ARHGEF38: variants seen among roughly 807,000 people sequenced by gnomAD.
The protein encoded by ARHGEF38 is Rho guanine nucleotide exchange factor (GEF) 38.
ARHGEF38 carries 79 observed loss-of-function variants against 79.9 expected under a neutral mutation model. The ratio of observed to expected loss-of-function variants is 0.99; its 90% CI spans 0.82 to 1.19. The LOEUF is 1.19. ARHGEF38 is among the 50% of genes most tolerant of loss of function. The pLI is 0.00. For missense variants in ARHGEF38, 962 were observed against 907.2 expected, an observed-to-expected ratio of 1.06 and a Z score of -0.78; for synonymous variants, 366 against 328.3, an observed-to-expected ratio of 1.11 and a Z score of -1.24.
At chr4:105,654,531 G>C (rs1032021377) in intron 8 of ARHGEF38, among the ~76,000 whole-genome samples, 1 of 152,052 alleles carries the variant, frequency 6.6e-6, no homozygotes, top group Non-Finnish European at 1.5e-5. Context: ...TCTCTTTCTA[G>C]TACCTAAAAT....
rs534436395 is a variant in ARHGEF38 at position 105,668,189 on chromosome 4, CT to C, written c.2148+496del. ...ATATATGGAAACTTTTTCTTTTTTT[CT>C]TTTTTTTTTGAGATGGAGTCTCACT... On this transcript the variant is annotated intron_variant, in intron 13 of 13. Coordinates refer to ENST00000420470, the MANE Select transcript of ARHGEF38 (RefSeq NM_001242729.2). 2.0e-3 allele frequency among the ~76,000 whole-genome samples: 297 copies of C among 147,872 alleles called. 2 individuals are homozygous for C. The highest frequency in any genetic ancestry group is 6.9e-3 in the African/African-American group (279 of 40,392).
intron 1 of ARHGEF38, among the ~76,000 whole-genome samples, chr4:105,561,434 A>AGAATG (rs1725552731): frequency 2.1e-5 from 1 of 47,028 alleles, no homozygotes; most frequent in African/African-American, 1.0e-4. Context: ...GGAATAGAAT[A>AGAATG]GAATAGAATA....
At chr4:105,603,006 G>A (rs990116526) in intron 2 of ARHGEF38, among the ~76,000 whole-genome samples, 10 of 152,158 alleles carry the variant, frequency 6.6e-5, no homozygotes, top group African/African-American at 1.2e-4. Flanking sequence ...CAAAGATCCC[G>A]CCCTGTCTCC....
intron 2 of ARHGEF38, among the ~76,000 whole-genome samples, chr4:105,593,370 C>T (rs1727427548): frequency 6.6e-6 from 1 of 151,294 alleles, no homozygotes; most frequent in Non-Finnish European, 1.5e-5. Context: ...AGGGAGACCT[C>T]ATCCCTATTT....
At chr4:105,664,288 G>T (rs890397210) in intron 10 of ARHGEF38, among the ~76,000 whole-genome samples, 1 of 152,158 alleles carries the variant, frequency 6.6e-6, no homozygotes, top group South Asian at 2.1e-4. Flanking sequence ...GTTTGATGAC[G>T]AAAAACATTT....
chr4:105,610,293 A>G (rs1728236311), intron 2 of ARHGEF38, among the ~76,000 whole-genome samples: 1 of 152,066 alleles, frequency 6.6e-6, no homozygotes, highest in African/African-American at 2.4e-5. Flanking sequence ...TATGTGACAA[A>G]CCTGCATGTT....
At chr4:105,555,832 T>A (rs1238244114) in intron 1 of ARHGEF38, among the ~76,000 whole-genome samples, 3 of 152,218 alleles carry the variant, frequency 2.0e-5, no homozygotes, top group African/African-American at 7.2e-5. Context: ...CTTGAGCTTG[T>A]CTTTTAACTC....
intron 7 of ARHGEF38, among the ~76,000 whole-genome samples, chr4:105,652,966 C>T (rs969172668): frequency 1.3e-5 from 2 of 152,172 alleles, no homozygotes; most frequent in Non-Finnish European, 2.9e-5. Flanking sequence ...CCAAGCACTG[C>T]TATGGTTATC....
At chr4:105,631,577 G>A (rs545348957) in intron 4 of ARHGEF38, 1 of 985,370 alleles carries the variant, frequency 1.0e-6, no homozygotes, top group East Asian at 1.1e-4. Context: ...TGGTGGGGGA[G>A]CTACACAATG....
At chr4:105,667,089 T>C (rs1273550468) in intron 11 of ARHGEF38, 40 bp from the exon 12 acceptor site, 2 of 1,451,234 alleles carry the variant, frequency 1.4e-6, no homozygotes, top group East Asian at 2.5e-5. Flanking sequence ...GATTTTATTA[T>C]GTATCTGTCT....
Position 105,661,686 on chromosome 4 carries a change from T to C in ARHGEF38, c.1545+2321T>C, listed in dbSNP as rs141047270. ...CAATCAATATTTGCATATACACATCTGTGTAACTACCACCCAGATCAAGAT... is the reference window on the plus strand; with the variant it reads ...CAATCAATATTTGCATATACACATCCGTGTAACTACCACCCAGATCAAGAT... On this transcript the variant is annotated intron_variant, in intron 10 of 13. Transcript: ENST00000420470. Among the ~76,000 whole-genome samples the C allele has an allele frequency of 2.2e-3, 330 of 152,148 alleles. 2 individuals are homozygous for C. The highest frequency in any genetic ancestry group is 7.4e-3 in the African/African-American group (308 of 41,512).
At chr4:105,594,142 A>G (rs996796856) in intron 2 of ARHGEF38, among the ~76,000 whole-genome samples, 1 of 152,158 alleles carries the variant, frequency 6.6e-6, no homozygotes, top group Non-Finnish European at 1.5e-5. Flanking sequence ...CTCATGTCAG[A>G]TCTGCCTTTT....
In ARHGEF38 at chr4:105,661,474, T is replaced by TTTATTA. The variant is rs140964351; in HGVS notation, c.1545+2148_1545+2153dup. ...GAGAGTTTCAATTTCTCCACACCTC[T>TTTATTA]TTATTATTATTATTATTATTATTAT... On this transcript the variant is annotated intron_variant, in intron 10 of 13. Coordinates refer to ENST00000420470, the MANE Select transcript of ARHGEF38 (RefSeq NM_001242729.2). 7.3e-3 allele frequency among the ~76,000 whole-genome samples: 1,032 copies of TTTATTA among 141,772 alleles called. 6 individuals carry two copies. Among genetic ancestry groups the TTTATTA allele is most frequent in the Middle Eastern group, 0.022 (6 of 272 alleles). 93.0% of individuals were successfully genotyped at this position (141,772 alleles called of 152,430 possible). A position where few individuals can be genotyped will look rare whatever the true frequency, so the allele number is the denominator to read the frequency against.
At chr4:105,649,603 G>A (rs1231834444) in intron 7 of ARHGEF38, among the ~76,000 whole-genome samples, 2 of 152,004 alleles carry the variant, frequency 1.3e-5, no homozygotes, top group South Asian at 2.1e-4. Flanking sequence ...CTTCTCATTT[G>A]CCTGTTTTTA....
At chr4:105,671,413 C>T (rs1321452702) in intron 13 of ARHGEF38, among the ~76,000 whole-genome samples, 1 of 152,206 alleles carries the variant, frequency 6.6e-6, no homozygotes, top group East Asian at 1.9e-4. Context: ...ATGGAAATAT[C>T]TCCCTTAATG....
chr4:105,616,938 C>T (rs1226096418), intron 3 of ARHGEF38, among the ~76,000 whole-genome samples: 1 of 152,140 alleles, frequency 6.6e-6, no homozygotes, highest in Non-Finnish European at 1.5e-5. Flanking sequence ...CAACAGTTTT[C>T]CTAGATTAAT....
chr4:105,582,932 G>A (rs2110443379), intron 1 of ARHGEF38, among the ~76,000 whole-genome samples: 1 of 152,226 alleles, frequency 6.6e-6, no homozygotes, highest in East Asian at 1.9e-4. Flanking sequence ...TATTTTATCT[G>A]TGTAAAATAG....
chr4:105,594,671 A>T lies in ARHGEF38; in HGVS notation c.384+5236A>T, dbSNP rs143453169. Among the ~76,000 whole-genome samples, 332 of 152,328 alleles carry T rather than the reference A, an allele frequency of 2.2e-3. 4 individuals are homozygous for T. The highest frequency in any genetic ancestry group is 8.1e-4 in the Non-Finnish European group (55 of 68,020). On this transcript the variant is annotated intron_variant, in intron 2 of 13. Transcript: ENST00000420470. ...TTAACTGAGTCACCTTGTATGAGTG[A>T]ATCAGTGTACAAATGAGTGATTAGA...
chr4:105,600,332 T>C (rs1234537190), intron 2 of ARHGEF38, among the ~76,000 whole-genome samples: 1 of 152,184 alleles, frequency 6.6e-6, no homozygotes, highest in East Asian at 1.9e-4. Flanking sequence ...TTAATTGCTT[T>C]AGACATTAGC....
Sources: allele counts gnomAD v4.1 joint callset (sites outside exome capture counted in the v4.1 genomes callset), GRCh38; gene constraint gnomAD v4.1.1; transcripts MANE v1.5; gene names NCBI Gene and HGNC (gene_info 2026-07-23, HGNC 2026-07-21).